MPG: variants seen among roughly 807,000 people sequenced by gnomAD.
MPG encodes the protein DNA-3-methyladenine glycosylase.
MPG carries 33 observed loss-of-function variants against 31.7 expected under a neutral mutation model. The ratio of observed to expected loss-of-function variants is 1.04; its 90% confidence interval spans 0.79 to 1.39. The LOEUF is 1.39. Ranked by LOEUF, MPG falls within the 40% of genes most tolerant of loss-of-function variation. The pLI is 0.00. For missense variants in MPG, 455 were observed against 415.5 expected (o/e 1.10, Z -0.83); for synonymous variants, 202 against 169.2 (o/e 1.19, Z -1.51).
chr16:84,606 G>A (rs1444278000), intron 3 of MPG: 1 of 152,466 alleles, frequency 6.6e-6, no homozygotes, highest in Non-Finnish European at 1.5e-5. Flanking sequence ...CTGCAGGGCA[G>A]AGGGAATTCG....
At chr16:79,019 G>C in intron 1 of MPG, 1 of 1,416,046 alleles carries the variant, frequency 7.1e-7, no homozygotes, top group Non-Finnish European at 9.2e-7. Context: ...GGCAAGGGTT[G>C]GATGAAAGGG....
At chr16:79,995 C>T (rs566041722) in intron 2 of MPG, among the ~76,000 whole-genome samples, 21 of 152,374 alleles carry the variant, frequency 1.4e-4, no homozygotes, top group East Asian at 1.2e-3. Context: ...CCTTCCTCAC[C>T]GGCAATCCAC....
Position 83,275 on chromosome 16 carries a change from C to T in MPG, c.505+19C>T, listed in dbSNP as rs374659414. The stretch of plus-strand genomic sequence containing the variant: ...AGCCAGGGTGAGCAGTGCTGGGGCA[C>T]GGGGGGTTGGAGGGCCGGCAGAGCC... On this transcript the variant is annotated intron_variant, in intron 3 of 3. Transcript: ENST00000356432. The T allele has an allele frequency of 2.5e-4, 405 of 1,599,512 alleles. No homozygotes were observed. Among genetic ancestry groups the T allele is most frequent in the Non-Finnish European group, 3.2e-4 (371 of 1,170,576 alleles).
At position 85,644 on chromosome 16, in the gene MPG, C is replaced by G. The variant is rs1255503415; in HGVS notation, c.749C>G (p.Ala250Gly). 1 of 1,591,684 alleles carries G rather than the reference C, an allele frequency of 6.3e-7. No homozygotes were observed. The highest frequency in any genetic ancestry group is 1.1e-5 in the South Asian group (1 of 90,028). The change falls in exon 4 of 4, where the codon GCT becomes GGT. Residue 250 changes from alanine to glycine, a missense_variant. Coordinates refer to ENST00000356432, the MANE Select transcript of MPG (RefSeq NM_001015052.3). ...ERGPLEPSEP[A>G]VVAAARVGVG... ...GGTCCCCTGGAGCCCAGTGAGCCGG[C>G]TGTAGTGGCAGCAGCCCGGGTGGGC...
In MPG at chr16:85,785, G is replaced by C. The variant is rs1898438712; in HGVS notation, c.*8G>C. On this transcript the variant is annotated 3_prime_UTR_variant, in exon 4 of 4. Transcript: ENST00000356432. ...CAGGACACACAGGCCTGAGCAAAGG[G>C]CCTGCCCAGACAAGATTTTTTAATT... 1 of 1,476,438 alleles carries C rather than the reference G, an allele frequency of 6.8e-7. No individual in the cohort carries two copies. The highest frequency in any genetic ancestry group is 9.0e-7 in the Non-Finnish European group (1 of 1,111,952). 91.5% of individuals were successfully genotyped at this position (1,476,438 alleles called of 1,614,324 possible). A position where few individuals can be genotyped will look rare whatever the true frequency, so the allele number is the denominator to read the frequency against.
Position 83,116 on chromosome 16 carries a change from A to C in MPG, c.365A>C (p.Tyr122Ser). 1 of 1,613,014 alleles carries C rather than the reference A, an allele frequency of 6.2e-7. No individual in the cohort carries two copies. Among genetic ancestry groups the C allele is most frequent in the Non-Finnish European group, 8.5e-7 (1 of 1,179,842 alleles). Residue 122 changes from tyrosine to serine, a missense_variant, in exon 3 of 4, where the codon TAC (tyrosine) becomes TCC (serine). Physicochemically the swap from Tyr to Ser is moderately radical, Grantham distance 144 (BLOSUM62 -2). Transcript: ENST00000356432. ...GGCCGCATCGTGGAGACCGAGGCAT[A>C]CCTGGGGCCAGAGGATGAAGCCGCC... ...LRGRIVETEAYLGPEDEAAHS... is the reference protein window; with the variant it reads ...LRGRIVETEASLGPEDEAAHS...
intron 1 of MPG, chr16:79,018 T>C: frequency 7.1e-7 from 1 of 1,414,038 alleles, no homozygotes. Flanking sequence ...TGGCAAGGGT[T>C]GGATGAAAGG....
chr16:80,022 G>A (rs1295427789), intron 2 of MPG, among the ~76,000 whole-genome samples: 2 of 152,242 alleles, frequency 1.3e-5, no homozygotes, highest in Admixed American at 6.5e-5. Context: ...TTTTCCACAC[G>A]TGGGAACTGT....
Position 79,452 on chromosome 16 carries a change from C to A in MPG, c.52C>A (p.Gln18Lys), listed in dbSNP as rs1898179814. Reference protein sequence around the residue: ...QFCRRMGQKKQRPARAGQPHS... With the variant: ...QFCRRMGQKKKRPARAGQPHS... ...TTGCCGACGGATGGGGCAAAAGAAG[C>A]AGCGACCAGCTAGAGCAGGGCAGCC... The change falls in exon 2 of 4, where the codon CAG (glutamine) becomes AAG (lysine). Residue 18 changes from glutamine to lysine, a missense_variant. Gln to Lys is a moderately conservative substitution (Grantham distance 53, BLOSUM62 1). Transcript: ENST00000356432. The A allele has an allele frequency of 6.2e-7, 1 of 1,613,068 alleles. No homozygotes were observed. Among genetic ancestry groups the A allele is most frequent in the African/African-American group, 1.3e-5 (1 of 74,912 alleles).
At chr16:85,254 G>A in intron 3 of MPG, 147 bp from the exon 4 acceptor site, 1 of 939,940 alleles carries the variant, frequency 1.1e-6, no homozygotes. Flanking sequence ...TCAGACCCAG[G>A]AGATGGTGCA....
rs1567123077 is a variant in MPG, at chr16:79,454, G to C, written c.54G>C (p.Gln18His). 6.2e-7 allele frequency: 1 copy of C among 1,613,168 alleles called. No individual in the cohort carries two copies. The highest frequency in any genetic ancestry group is 1.3e-5 in the African/African-American group (1 of 75,018). ...QFCRRMGQKK[Q>H]RPARAGQPHS... Reference sequence around the variant, plus strand: ...GCCGACGGATGGGGCAAAAGAAGCAGCGACCAGCTAGAGCAGGGCAGCCAC... The same window carrying C: ...GCCGACGGATGGGGCAAAAGAAGCACCGACCAGCTAGAGCAGGGCAGCCAC... Residue 18 changes from glutamine (Q) to histidine (H), a missense_variant, in exon 2 of 4, where the codon CAG (glutamine) becomes CAC (histidine). Coordinates refer to ENST00000356432, the MANE Select transcript of MPG (RefSeq NM_001015052.3).
rs373307806 is a variant in MPG at position 80,310 on chromosome 16, T to A, written c.300+610T>A. On this transcript the variant is annotated intron_variant, in intron 2 of 3. Coordinates refer to ENST00000356432, the MANE Select transcript of MPG (RefSeq NM_001015052.3). ...TCGATGCCAAAGCCCCAGGCCTGCC[T>A]TTCTGGTTCTCCAGAGGCTCCAAGG... Among the ~76,000 whole-genome samples the A allele has an allele frequency of 1.9e-3, 287 of 152,352 alleles. 9 individuals are homozygous for A. The South Asian group carries it at 0.057, about 30-fold the overall frequency.
At position 85,572 on chromosome 16, in the gene MPG, T is replaced by A; in HGVS notation, c.677T>A (p.Phe226Tyr). The change falls in exon 4 of 4, where the codon TTT becomes TAT. Residue 226 changes from phenylalanine (F) to tyrosine (Y), a missense_variant. By Grantham distance (22) the Phe-to-Tyr change is conservative. Transcript: ENST00000356432. ...CAGGCCCTGGCCATCAACAAGAGCT[T>A]TGACCAGAGGGACCTGGCACAGGAT... is the stretch of plus-strand genomic sequence containing the variant. Reference protein sequence around the residue: ...LCQALAINKSFDQRDLAQDEA... With the variant: ...LCQALAINKSYDQRDLAQDEA... 1 of 1,613,316 alleles carries A rather than the reference T, an allele frequency of 6.2e-7. No individual in the cohort carries two copies. The highest frequency in any genetic ancestry group is 8.5e-7 in the Non-Finnish European group (1 of 1,179,884).
chr16:80,265 C>T lies in MPG; in HGVS notation c.300+565C>T, dbSNP rs566282060. Among the ~76,000 whole-genome samples, 5 of 152,316 alleles carry T rather than the reference C, an allele frequency of 3.3e-5. No individual in the cohort carries two copies. In the East Asian group the frequency reaches 5.8e-4, roughly 18 times the overall value. ...GCATCTTGGCTGGATCTGTTGGGAG[C>T]GAGGTGGTGGCGGTGGTCCTCGATG... On this transcript the variant is annotated intron_variant, in intron 2 of 3. Transcript: ENST00000356432.
chr16:77,898 C>T (rs1295754443), upstream of MPG, among the ~76,000 whole-genome samples: 1 of 152,092 alleles, frequency 6.6e-6, no homozygotes, highest in Non-Finnish European at 1.5e-5. Context: ...ACGACGGGCC[C>T]GTCCTCTCGG....
chr16:83,318 G>A (rs1291282508), intron 3 of MPG, 62 bp downstream of exon 3: 1 of 1,509,306 alleles, frequency 6.6e-7, no homozygotes, highest in Non-Finnish European at 9.1e-7. Flanking sequence ...CTAGCAGCCA[G>A]GGGACCACTA....
chr16:78,412 G>A (rs1034691062), intron 1 of MPG, 79 bp downstream of exon 1: 15 of 1,114,636 alleles, frequency 1.3e-5, no homozygotes, highest in African/African-American at 3.3e-5. Flanking sequence ...CGCGGGAGCG[G>A]GAGTGCCGGG....
Position 79,623 on chromosome 16 carries a change from A to G in MPG, c.223A>G (p.Lys75Glu), listed in dbSNP as rs1164663500. Residue 75 changes from lysine (K) to glutamate (E), a missense_variant, in exon 2 of 4, where the codon AAG becomes GAG. Coordinates refer to ENST00000356432, the MANE Select transcript of MPG (RefSeq NM_001015052.3). ...CCGCAGCATCTATTTCTCAAGCCCAAAGGGCCACCTTACCCGACTGGGGTT... is the reference window on the plus strand; with the variant it reads ...CCGCAGCATCTATTTCTCAAGCCCAGAGGGCCACCTTACCCGACTGGGGTT... ...PYRSIYFSSP[K>E]GHLTRLGLEF... is the part of the protein sequence containing the mutation. 2 of 1,593,704 alleles carry G rather than the reference A, an allele frequency of 1.3e-6. No homozygotes were observed. Among genetic ancestry groups the G allele is most frequent in the African/African-American group, 2.7e-5 (2 of 74,466 alleles).
intron 3 of MPG, among the ~76,000 whole-genome samples, chr16:85,120 G>C (rs930819873): frequency 6.6e-6 from 1 of 152,234 alleles, no homozygotes; most frequent in Non-Finnish European, 1.5e-5. Flanking sequence ...CAGTGGGGGA[G>C]GCCCTGCCTG....
Sources: allele counts gnomAD v4.1 joint callset (sites outside exome capture counted in the v4.1 genomes callset), GRCh38; gene constraint gnomAD v4.1.1; transcripts MANE v1.5; gene names NCBI Gene and HGNC (gene_info 2026-07-23, HGNC 2026-07-21).